The following ZNF677 variants were observed in gnomAD, a reference collection of about 807,000 sequenced individuals.
ZNF677 encodes the protein hypothetical protein MGC48625.
ZNF677 carries 5 observed loss-of-function variants against 8.1 expected under a neutral mutation model. The ratio of observed to expected loss-of-function variants is 0.62; its 90% CI spans 0.32 to 1.29. The LOEUF (loss-of-function observed/expected upper bound fraction) is 1.29. Among genes scored for constraint, ZNF677 ranks in the 50% most tolerant of loss-of-function variants. The pLI, the probability that ZNF677 is intolerant of heterozygous loss-of-function variation, is 0.05. For missense variants in ZNF677, 685 were observed against 685.9 expected (o/e 1.00, Z 0.01); for synonymous variants, 221 against 225.6 (o/e 0.98, Z 0.18).
At chr19:53,251,365 A>G (rs889460099) in intron 3 of ZNF677, among the ~76,000 whole-genome samples, 171 bp downstream of exon 3, 1 of 152,188 alleles carries the variant, frequency 6.6e-6, no homozygotes, top group Admixed American at 6.5e-5. Flanking sequence ...GTTCCGTGTT[A>G]CCGGGTCACA....
rs138637909 is a variant in ZNF677 at position 53,249,538 on chromosome 19, A to G, written c.15+1998T>C. The G allele has an allele frequency of 5.2e-3, 792 of 152,370 alleles. 10 individuals carry two copies. The highest frequency in any genetic ancestry group is 0.018 in the African/African-American group (749 of 41,586). The allele number at this position is 152,370 out of a possible 1,614,324, so 9.4% of individuals were successfully genotyped here. On this transcript the variant is annotated intron_variant, in intron 3 of 4. Transcript: ENST00000598513. ...CAAATATACAATTTTGCAAAACAGA[A>G]TATCACAACAAAATATTCACTAAAC...
chr19:53,240,269 T>TG (rs2091028626), intron 4 of ZNF677: 3 of 152,282 alleles, frequency 2.0e-5, no homozygotes, highest in African/African-American at 7.2e-5. Flanking sequence ...TTTTTTGAGA[T>TG]GGAGTCTCGC....
At chr19:53,245,288 C>T (rs2091118040) in intron 3 of ZNF677, among the ~76,000 whole-genome samples, 1 of 152,078 alleles carries the variant, frequency 6.6e-6, no homozygotes, top group African/African-American at 2.4e-5. Flanking sequence ...GGGACTACAT[C>T]AAACCAAAAC....
intron 3 of ZNF677, among the ~76,000 whole-genome samples, chr19:53,244,843 C>G (rs1037791363): frequency 6.6e-6 from 1 of 152,076 alleles, no homozygotes; most frequent in Non-Finnish European, 1.5e-5. Flanking sequence ...TTCCTGATTT[C>G]AAAGTATATT....
At position 53,235,829 on chromosome 19, in the gene ZNF677, A is replaced by G. The variant is rs2090968249; in HGVS notation, c.*1143T>C. 1 of 152,254 alleles carries G rather than the reference A, an allele frequency of 6.6e-6. No homozygotes were observed. Among genetic ancestry groups the G allele is most frequent in the African/African-American group, 2.4e-5 (1 of 41,448 alleles). The allele number at this position is 152,254 out of a possible 1,614,324, so 9.4% of individuals were successfully genotyped here. A position where few individuals can be genotyped will look rare whatever the true frequency, so the allele number is the denominator to read the frequency against. On this transcript the variant is annotated 3_prime_UTR_variant, in exon 5 of 5. Transcript: ENST00000598513. ...AAGGGGTCCTGACCACATAAAGCAT[A>G]TATGTTAGACAATAGTTTTACCTCT...
chr19:53,251,283 C>G (rs2091229114), intron 3 of ZNF677, among the ~76,000 whole-genome samples: 1 of 152,144 alleles, frequency 6.6e-6, no homozygotes, highest in Admixed American at 6.5e-5. Context: ...TGGAGCCTGC[C>G]CCCCATACCC....
chr19:53,241,519 T>C (rs553162797), intron 4 of ZNF677: 68 of 280,898 alleles, frequency 2.4e-4, no homozygotes, highest in African/African-American at 1.3e-3. Flanking sequence ...TTCGCAGATA[T>C]GAGGTTGAGA....
chr19:53,242,093 G>A (rs531138082), intron 4 of ZNF677: 11 of 394,536 alleles, frequency 2.8e-5, no homozygotes, highest in East Asian at 1.4e-4. Context: ...CAACACACCC[G>A]GCTAATTTTT....
At chr19:53,242,316 G>A (rs780312264) in intron 4 of ZNF677, 23 of 398,418 alleles carry the variant, frequency 5.8e-5, no homozygotes, top group African/African-American at 2.5e-4. Flanking sequence ...CTAAGTTCCC[G>A]GATAGAGTAG....
At chr19:53,251,084 A>G (rs996586848) in intron 3 of ZNF677, among the ~76,000 whole-genome samples, 2 of 152,258 alleles carry the variant, frequency 1.3e-5, no homozygotes, top group African/African-American at 4.8e-5. Context: ...GTTTAGCTAC[A>G]AATGTATTAT....
At position 53,245,228 on chromosome 19, in the gene ZNF677, C is replaced by G. The variant is rs146237306; in HGVS notation, c.16-1331G>C. Among the ~76,000 whole-genome samples the G allele has an allele frequency of 1.1e-3, 170 of 152,200 alleles. 1 individual carries two copies. Among genetic ancestry groups the G allele is most frequent in the African/African-American group, 3.9e-3 (160 of 41,530 alleles). On this transcript the variant is annotated intron_variant, in intron 3 of 4. Transcript: ENST00000598513. ...CTTGACATTATCTTGGCAATGATTTCTTGGATATAACACCAAAAGCACAGG... is the reference window on the plus strand; with the variant it reads ...CTTGACATTATCTTGGCAATGATTTGTTGGATATAACACCAAAAGCACAGG...
At position 53,237,040 on chromosome 19, in the gene ZNF677, T is replaced by A; in HGVS notation, c.1687A>T (p.Lys563Ter). ...FQSSNLGDHQ[K>*]SYNREKHIKY... is the part of the protein sequence containing the mutation. Reference sequence around the variant, plus strand: ...ATATGTTTTTCTCTATTATAACTTTTTTGATGATCTCCAAGGTTTGAACTT... The same window carrying A: ...ATATGTTTTTCTCTATTATAACTTTATTGATGATCTCCAAGGTTTGAACTT... The change falls in exon 5 of 5, where the codon AAA becomes TAA. Residue 563 changes from lysine to a stop codon, truncating the protein, a stop_gained. Coordinates refer to ENST00000598513, the MANE Select transcript of ZNF677 (RefSeq NM_182609.4). LOFTEE classifies it low-confidence loss of function (END_TRUNC). 1.9e-6 allele frequency: 3 copies of A among 1,604,620 alleles called. No individual in the cohort carries two copies. The highest frequency in any genetic ancestry group is 2.5e-6 in the Non-Finnish European group (3 of 1,177,298).
At chr19:53,243,407 G>GA in intron 4 of ZNF677, 1 of 402,810 alleles carries the variant, frequency 2.5e-6, no homozygotes, top group East Asian at 4.1e-5. Context: ...GCCTTCTTCT[G>GA]AATGCTTAGG....
At position 53,238,502 on chromosome 19, in the gene ZNF677, C is replaced by A. The variant is rs780753676; in HGVS notation, c.225G>T (p.Glu75Asp). Reference protein sequence around the residue: ...KGLSPKENNKEELYHLVILER... With the variant: ...KGLSPKENNKDELYHLVILER... ...CTAATATCACCAGATGGTATAATTC[C>A]TCTTTATTATTTTCCTTTGGTGATA... Residue 75 changes from glutamate to aspartate, a missense_variant, in exon 5 of 5, where the codon GAG (glutamate) becomes GAT (aspartate). Physicochemically the swap from Glu to Asp is conservative, Grantham distance 45 (BLOSUM62 2). Transcript: ENST00000598513. The A allele has an allele frequency of 3.7e-6, 6 of 1,600,944 alleles. No homozygotes were observed. In the East Asian group the frequency reaches 1.3e-4, roughly 36 times the overall value.
intron 3 of ZNF677, among the ~76,000 whole-genome samples, chr19:53,248,392 C>G (rs1170003734): frequency 6.6e-6 from 1 of 152,170 alleles, no homozygotes; most frequent in South Asian, 2.1e-4. Context: ...TTTGTACCTA[C>G]GTAGGTGTTT....
intron 3 of ZNF677, among the ~76,000 whole-genome samples, chr19:53,246,636 C>G (rs1465605164): frequency 6.6e-6 from 1 of 151,948 alleles, no homozygotes; most frequent in Non-Finnish European, 1.5e-5. Flanking sequence ...ATAGGCCACA[C>G]AGAGAACAAA....
At chr19:53,250,426 C>T (rs2091216510) in intron 3 of ZNF677, among the ~76,000 whole-genome samples, 1 of 152,176 alleles carries the variant, frequency 6.6e-6, no homozygotes. Context: ...TGGAATCAAC[C>T]TAAATGCCCA....
chr19:53,238,657 G>T lies in ZNF677; in HGVS notation c.170-100C>A, dbSNP rs2091003587. On this transcript the variant is annotated intron_variant, in intron 4 of 4. Transcript: ENST00000598513. ...TTACAAGAAAGCTAAGATTTACAAT[G>T]AACAGAGTTATGAAGCTTCTCAACT... The T allele has an allele frequency of 6.0e-6, 7 of 1,161,656 alleles. No individual in the cohort carries two copies. The Admixed American group carries it at 1.5e-4, about 24-fold the overall frequency. 72.0% of individuals were successfully genotyped at this position (1,161,656 alleles called of 1,614,324 possible). A position where few individuals can be genotyped will look rare whatever the true frequency, so the allele number is the denominator to read the frequency against.
intron 2 of ZNF677, among the ~76,000 whole-genome samples, chr19:53,251,959 G>A (rs1468858284): frequency 6.6e-6 from 1 of 152,166 alleles, no homozygotes; most frequent in Non-Finnish European, 1.5e-5. Context: ...AATTGGAACA[G>A]GTGAAGAGCC....
Sources: allele counts gnomAD v4.1 joint callset (sites outside exome capture counted in the v4.1 genomes callset), GRCh38; gene constraint gnomAD v4.1.1; transcripts MANE v1.5; gene names NCBI Gene and HGNC (gene_info 2026-07-23, HGNC 2026-07-21).